The following EPHA3 variants were observed in gnomAD, a reference collection of about 807,000 sequenced individuals.
EPHA3 encodes the protein ephrin type-A receptor 3.
Under a neutral mutation model 107.1 loss-of-function variants are expected in EPHA3, and 42 were observed. The observed-to-expected ratio is 0.39, with a 90% CI of 0.31 to 0.51. The LOEUF is 0.51. EPHA3 is among the 20% of genes least tolerant of loss of function. The pLI is 0.78. For missense variants in EPHA3, 1,183 were observed against 1,211.2 expected (o/e 0.98, Z 0.35); for synonymous variants, 461 against 424.8 (o/e 1.09, Z -1.05).
At chr3:89,331,306 A>G (rs1480077312) in intron 3 of EPHA3, among the ~76,000 whole-genome samples, 2 of 152,192 alleles carry the variant, frequency 1.3e-5, no homozygotes, top group Non-Finnish European at 2.9e-5. Flanking sequence ...TGTTTGATGA[A>G]TAAGAAAGTA....
intron 3 of EPHA3, among the ~76,000 whole-genome samples, chr3:89,325,312 T>A (rs1469101307): frequency 6.6e-6 from 1 of 152,200 alleles, no homozygotes; most frequent in East Asian, 1.9e-4. Flanking sequence ...CTATGTCTTA[T>A]GATTTCTTAT....
At chr3:89,182,477 T>C (rs1208960967) in intron 2 of EPHA3, among the ~76,000 whole-genome samples, 2 of 151,946 alleles carry the variant, frequency 1.3e-5, no homozygotes, top group Non-Finnish European at 2.9e-5. Context: ...AGATTCTCAA[T>C]TGATTTTCCG....
At chr3:89,110,216 A>C (rs1289376789) in intron 1 of EPHA3, among the ~76,000 whole-genome samples, 1 of 151,976 alleles carries the variant, frequency 6.6e-6, no homozygotes, top group African/African-American at 2.4e-5. Context: ...CAACACTGTA[A>C]AAAATTTATG....
intron 5 of EPHA3, among the ~76,000 whole-genome samples, chr3:89,374,727 C>T (rs114957958): frequency 0.015 from 2,310 of 151,686 alleles, 44 homozygotes; most frequent in African/African-American, 0.053. Context: ...TACATCTCAG[C>T]TATTTCTTGG....
chr3:89,421,668 A>G (rs1709355784), intron 11 of EPHA3, among the ~76,000 whole-genome samples: 1 of 151,264 alleles, frequency 6.6e-6, no homozygotes, highest in African/African-American at 2.4e-5. Context: ...TTTCAGTGTT[A>G]TGAATTATGA....
rs566214033 is a variant in EPHA3, at chr3:89,138,642, T to C, written c.153+11369T>C. The stretch of plus-strand genomic sequence containing the variant: ...AGGTGATCAGGGAGGATAGTGTAAT[T>C]GAAGAACAAATAGGAATCAGAAAGG... On this transcript the variant is annotated intron_variant, in intron 2 of 16. Coordinates refer to ENST00000336596, the MANE Select transcript of EPHA3 (RefSeq NM_005233.6). Among the ~76,000 whole-genome samples, 11 of 151,914 alleles carry C rather than the reference T, an allele frequency of 7.2e-5. No individual in the cohort carries two copies. In the East Asian group the frequency reaches 1.9e-3, roughly 27 times the overall value.
chr3:89,279,942 A>C (rs1473221470), intron 3 of EPHA3, among the ~76,000 whole-genome samples: 1 of 152,120 alleles, frequency 6.6e-6, no homozygotes, highest in Non-Finnish European at 1.5e-5. Flanking sequence ...GTTGTGAACT[A>C]TATTTTATTC....
chr3:89,454,066 T>G (rs180903906), intron 15 of EPHA3, among the ~76,000 whole-genome samples: 61 of 152,234 alleles, frequency 4.0e-4, no homozygotes, highest in Non-Finnish European at 6.8e-4. Context: ...GGGAACCTAT[T>G]ACACATACAA....
At chr3:89,408,034 C>G (rs1350566414) in intron 8 of EPHA3, 33 bp from the exon 9 acceptor site, 3 of 1,600,858 alleles carry the variant, frequency 1.9e-6, no homozygotes, top group Non-Finnish European at 2.6e-6. Flanking sequence ...ATATATTCCT[C>G]TTATGTGTTC....
At chr3:89,409,965 G>A (rs1003994760) in intron 9 of EPHA3, among the ~76,000 whole-genome samples, 23 of 151,992 alleles carry the variant, frequency 1.5e-4, no homozygotes, top group African/African-American at 4.6e-4. Context: ...AGCTTAACAC[G>A]TGTGCATGTG....
At chr3:89,360,183 A>G (rs1016115821) in intron 5 of EPHA3, among the ~76,000 whole-genome samples, 3 of 150,788 alleles carry the variant, frequency 2.0e-5, no homozygotes, top group Non-Finnish European at 4.5e-5. Context: ...CAGGACTCCT[A>G]CAACATAATG....
chr3:89,264,486 A>G (rs1482423106), intron 3 of EPHA3, among the ~76,000 whole-genome samples: 1 of 152,016 alleles, frequency 6.6e-6, no homozygotes, highest in Non-Finnish European at 1.5e-5. Context: ...GTGAAATCGT[A>G]CTCATTTTTC....
intron 2 of EPHA3, among the ~76,000 whole-genome samples, chr3:89,171,903 C>G (rs978481083): frequency 2.0e-5 from 3 of 152,072 alleles, no homozygotes; most frequent in Non-Finnish European, 4.4e-5. Context: ...ATTGTGTAAG[C>G]CTGACCATAA....
intron 3 of EPHA3, among the ~76,000 whole-genome samples, chr3:89,239,231 A>G (rs1704838450): frequency 6.6e-6 from 1 of 152,230 alleles, no homozygotes; most frequent in Non-Finnish European, 1.5e-5. Context: ...CACTGCTCAA[A>G]GTAAATGCTG....
At chr3:89,426,181 A>T (rs1709453255) in intron 11 of EPHA3, among the ~76,000 whole-genome samples, 1 of 151,674 alleles carries the variant, frequency 6.6e-6, no homozygotes, top group South Asian at 2.1e-4. Flanking sequence ...GTCATTTGTA[A>T]ATCAAAATAC....
In EPHA3 at chr3:89,431,229, A is replaced by G; in HGVS notation, c.2216A>G (p.Asp739Gly). 1 of 1,613,950 alleles carries G rather than the reference A, an allele frequency of 6.2e-7. No individual in the cohort carries two copies. Among genetic ancestry groups the G allele is most frequent in the Non-Finnish European group, 8.5e-7 (1 of 1,179,952 alleles). Reference sequence around the variant, plus strand: ...GCATCTGGCATGAAGTACCTGTCAGACATGGGCTATGTTCACCGAGACCTC... The same window carrying G: ...GCATCTGGCATGAAGTACCTGTCAGGCATGGGCTATGTTCACCGAGACCTC... ...GIASGMKYLSDMGYVHRDLAA... is the reference protein window; with the variant it reads ...GIASGMKYLSGMGYVHRDLAA... The change falls in exon 13 of 17, where the codon GAC (aspartate) becomes GGC (glycine). Residue 739 changes from aspartate (D) to glycine (G), a missense_variant. Asp to Gly is a moderately conservative substitution (Grantham distance 94). Coordinates refer to ENST00000336596, the MANE Select transcript of EPHA3 (RefSeq NM_005233.6).
Position 89,429,027 on chromosome 3 carries a change from A to T in EPHA3, c.2075-79A>T, listed in dbSNP as rs948499769. 1.0e-5 allele frequency: 10 copies of T among 964,146 alleles called. No individual in the cohort carries two copies. The South Asian group carries it at 1.4e-4, about 13-fold the overall frequency. The allele number at this position is 964,146 out of a possible 1,614,324, so 59.7% of individuals were successfully genotyped here. On this transcript the variant is annotated intron_variant, in intron 11 of 16. Coordinates refer to ENST00000336596, the MANE Select transcript of EPHA3 (RefSeq NM_005233.6). Reference sequence around the variant, plus strand: ...CTTACATCTCTATAATCCTCAGGTAAATCCAACTATATTATATATGTTCAT... The same window carrying T: ...CTTACATCTCTATAATCCTCAGGTATATCCAACTATATTATATATGTTCAT...
chr3:89,181,691 G>A (rs554289015), intron 2 of EPHA3, among the ~76,000 whole-genome samples: 114 of 151,920 alleles, frequency 7.5e-4, no homozygotes, highest in African/African-American at 2.5e-3. Flanking sequence ...CATAATCTGG[G>A]GGTATAGGGT....
intron 13 of EPHA3, among the ~76,000 whole-genome samples, chr3:89,448,894 C>T (rs1652761935): frequency 6.6e-6 from 1 of 151,990 alleles, no homozygotes; most frequent in Non-Finnish European, 1.5e-5. Context: ...AATTCTAATA[C>T]ATGTCATGTC....
Sources: gnomAD v4.1 joint callset for allele counts (sites outside exome capture counted in the v4.1 genomes callset) on GRCh38, gnomAD v4.1.1 for gene constraint, MANE v1.5 for transcripts, NCBI Gene and HGNC (gene_info 2026-07-23, HGNC 2026-07-21) for gene names.